Variants in INSYN1 observed in about 807,000 individuals in gnomAD.
INSYN1 encodes UPF0583 protein C15orf59.
A neutral mutation model predicts 17.1 loss-of-function variants in INSYN1; 7 were observed. The ratio of observed to expected loss-of-function variants is 0.41; its 90% confidence interval spans 0.23 to 0.77. The LOEUF is 0.77. Ranked by LOEUF, INSYN1 falls within the 30% of genes least tolerant of loss-of-function variation. The pLI, the probability that INSYN1 is intolerant of heterozygous loss-of-function variation, is 0.32. For synonymous variants in INSYN1, 174 were observed against 166.3 expected (o/e 1.05, Z -0.36); for missense variants, 339 against 400.6 (o/e 0.85, Z 1.31).
Position 73,740,001 on chromosome 15 carries a change from G to T in INSYN1, c.798C>A (p.Ser266Arg). The change falls in exon 3 of 3, where the codon AGC (serine) becomes AGA (arginine). Residue 266 changes from serine to arginine, a missense_variant. Physicochemically the swap from Ser to Arg is moderately radical, Grantham distance 110 (BLOSUM62 -1). Coordinates refer to ENST00000569673, the MANE Select transcript of INSYN1 (RefSeq NM_001039614.3). The stretch of plus-strand genomic sequence containing the variant: ...TCTTGTCTGACACTGTCTGGGTGCT[G>T]CTGTTCCTCGTGACCCTTCGAGTCT... ...PEQTRRVTRNSSTQTVSDKST... is the reference protein window; with the variant it reads ...PEQTRRVTRNRSTQTVSDKST... 5 of 1,613,334 alleles carry T rather than the reference G, an allele frequency of 3.1e-6. No homozygotes were observed. The highest frequency in any genetic ancestry group is 4.2e-6 in the Non-Finnish European group (5 of 1,179,796).
intron 2 of INSYN1, among the ~76,000 whole-genome samples, chr15:73,743,234 T>C (rs564085531): frequency 2.2e-4 from 33 of 152,306 alleles, no homozygotes; most frequent in Admixed American, 9.8e-4. Context: ...ACAAGCACCA[T>C]TGGGCCTCAG....
intron 2 of INSYN1, among the ~76,000 whole-genome samples, chr15:73,742,617 G>T (rs67838945): frequency 0.27 from 41,068 of 152,080 alleles, 6,069 homozygotes; most frequent in Non-Finnish European, 0.34. Context: ...ACACCATCAT[G>T]AAGTGCTGCT....
chr15:73,746,603 T>C (rs977330609), intron 2 of INSYN1, among the ~76,000 whole-genome samples: 1 of 152,126 alleles, frequency 6.6e-6, no homozygotes, highest in African/African-American at 2.4e-5. Context: ...CGGTGGGGGA[T>C]CCTCCACTGC....
chr15:73,745,047 C>A (rs756519145), intron 2 of INSYN1, among the ~76,000 whole-genome samples: 1 of 141,596 alleles, frequency 7.1e-6, no homozygotes, highest in Non-Finnish European at 1.5e-5. Context: ...GTGTCCCCAA[C>A]CTCTGTCCTG....
Position 73,739,839 on chromosome 15 carries a change from AT to A in INSYN1, c.*77del, listed in dbSNP as rs1273667759. 6 of 37,872 alleles carry A rather than the reference AT, an allele frequency of 1.6e-4. No individual in the cohort carries two copies. The highest frequency in any genetic ancestry group is 2.6e-4 in the African/African-American group (3 of 11,510). 2.3% of individuals were successfully genotyped at this position (37,872 alleles called of 1,614,324 possible). A position where few individuals can be genotyped will look rare whatever the true frequency, so the allele number is the denominator to read the frequency against. On this transcript the variant is annotated 3_prime_UTR_variant, in exon 3 of 3. Coordinates refer to ENST00000569673, the MANE Select transcript of INSYN1 (RefSeq NM_001039614.3). ...TTTTATTATGACTTCATTTGTTTAA[AT>A]ATATATATATATATATATATATATA...
In INSYN1 at chr15:73,753,318, C is replaced by T. The variant is rs1443253925; in HGVS notation, c.-1776G>A. 6.6e-6 allele frequency among the ~76,000 whole-genome samples: 1 copy of T among 150,934 alleles called. No individual in the cohort carries two copies. The highest frequency in any genetic ancestry group is 2.4e-5 in the African/African-American group (1 of 41,206). On this transcript the variant is annotated 5_prime_UTR_variant, in exon 1 of 3. Transcript: ENST00000569673. The surrounding 1 kb of genome is among the most constrained non-coding windows in gnomAD (Gnocchi z 4.2). ...CTTAAAGGCCGCCCGGCTCGCTTGG[C>T]TCCGCTTGCCTCGGCGCTGTCAGGG...
intron 2 of INSYN1, among the ~76,000 whole-genome samples, chr15:73,748,684 G>A (rs908485658): frequency 2.2e-4 from 34 of 152,184 alleles, no homozygotes; most frequent in Non-Finnish European, 2.9e-4. Flanking sequence ...CCAAACCGGG[G>A]TCTGGCACCC....
chr15:73,744,911 G>C (rs1901783425), intron 2 of INSYN1, among the ~76,000 whole-genome samples: 1 of 151,206 alleles, frequency 6.6e-6, no homozygotes, highest in Non-Finnish European at 1.5e-5. Flanking sequence ...CAGAGGGTGA[G>C]TCTTGACTCC....
rs1391758745 is a variant in INSYN1 at position 73,740,239 on chromosome 15, C to G, written c.560G>C (p.Arg187Pro). 1.2e-6 allele frequency: 2 copies of G among 1,614,022 alleles called. No individual in the cohort carries two copies. Among genetic ancestry groups the G allele is most frequent in the South Asian group, 2.2e-5 (2 of 91,082 alleles). The change falls in exon 3 of 3, where the codon CGG (arginine) becomes CCG (proline). Residue 187 changes from arginine to proline, a missense_variant. Physicochemically the swap from Arg to Pro is moderately radical, Grantham distance 103. Transcript: ENST00000569673. ...QRTPGTRERV[R>P]FSDKVLYHAL... ...ATGGTAGAGCACTTTGTCACTGAAC[C>G]GCACCCTCTCCCGTGTCCCTGGGGT... is the stretch of plus-strand genomic sequence containing the variant.
In INSYN1 at chr15:73,739,838, A is replaced by AATATATATATAT. The variant is rs71650721; in HGVS notation, c.*67_*78dup. On this transcript the variant is annotated 3_prime_UTR_variant, in exon 3 of 3. Transcript: ENST00000569673. ...ATTTTATTATGACTTCATTTGTTTAAATATATATATATATATATATATATA... is the reference window on the plus strand; with the variant it reads ...ATTTTATTATGACTTCATTTGTTTAAATATATATATATATATATATATATATATATATATATA... The AATATATATATAT allele has an allele frequency of 3.5e-4, 50 of 144,694 alleles. No homozygotes were observed. The highest frequency in any genetic ancestry group is 1.5e-3 in the South Asian group (6 of 3,956). 9.0% of individuals were successfully genotyped at this position (144,694 alleles called of 1,614,324 possible).
Position 73,740,075 on chromosome 15 carries a change from GC to G in INSYN1, c.723del (p.Arg242AlafsTer4). On this transcript the variant is annotated frameshift_variant, in exon 3 of 3. Transcript: ENST00000569673. LOFTEE classifies it high-confidence loss of function. ...GAGTGGCGGCTGGTCAGTGGAGAGC[GC>G]CGTGACTTGTAGGGGGCTGGGGAGG... ...HKPSPAPYKS[R>X]RSPLTSRHSG... 1 of 1,613,492 alleles carries G rather than the reference GC, an allele frequency of 6.2e-7. No homozygotes were observed. The highest frequency in any genetic ancestry group is 8.5e-7 in the Non-Finnish European group (1 of 1,179,708).
Position 73,751,079 on chromosome 15 carries a change from T to G in INSYN1, c.52A>C (p.Ser18Arg). The G allele has an allele frequency of 6.2e-7, 1 of 1,614,022 alleles. No individual in the cohort carries two copies. The highest frequency in any genetic ancestry group is 1.3e-5 in the African/African-American group (1 of 75,050). Residue 18 changes from serine (S) to arginine (R), a missense_variant, in exon 2 of 3, where the codon AGT (serine) becomes CGT (arginine). Ser to Arg is a moderately radical substitution (Grantham distance 110). Coordinates refer to ENST00000569673, the MANE Select transcript of INSYN1 (RefSeq NM_001039614.3). ...DLGQPSDDPS[S>R]GGERERIRQR... ...CGAATCCGCTCCCGCTCACCACCAC[T>G]GCTGGGGTCGTCACTGGGCTGCCCG...
intron 2 of INSYN1, among the ~76,000 whole-genome samples, chr15:73,746,586 GC>G (rs1319730954): frequency 3.3e-5 from 5 of 152,150 alleles, no homozygotes; most frequent in African/African-American, 1.2e-4. Context: ...TGCTTCCTAG[GC>G]AAATCCGGTG....
In INSYN1 at chr15:73,740,276, G is replaced by A. The variant is rs1901652428; in HGVS notation, c.523C>T (p.Leu175=). The A allele has an allele frequency of 6.2e-7, 1 of 1,613,552 alleles. No homozygotes were observed. Among genetic ancestry groups the A allele is most frequent in the Non-Finnish European group, 8.5e-7 (1 of 1,179,968 alleles). The change falls in exon 3 of 3, where the codon CTG becomes TTG. Residue 175 remains leucine (L), a synonymous_variant. Transcript: ENST00000569673. The part of the protein sequence containing the change: ...FGAGPTVKSQ[L]PQRTPGTRER... ...CGTGTCCCTGGGGTCCGCTGGGGCA[G>A]CTGGCTCTTCACCGTGGGGCCAGCA... is the stretch of plus-strand genomic sequence containing the variant.
intron 2 of INSYN1, among the ~76,000 whole-genome samples, chr15:73,743,036 C>G (rs534195663): frequency 3.2e-4 from 49 of 152,248 alleles, no homozygotes; most frequent in South Asian, 6.2e-4. Flanking sequence ...AGAGGCCCAC[C>G]ACCTCTGGGG....
rs548517242 is a variant in INSYN1, at chr15:73,745,790, CAG to C, written c.157-5150_157-5149del. 6.9e-3 allele frequency among the ~76,000 whole-genome samples: 904 copies of C among 131,202 alleles called. 14 individuals are homozygous for C. The highest frequency in any genetic ancestry group is 0.024 in the African/African-American group (860 of 35,406). The allele number at this position is 131,202 out of a possible 152,430, so 86.1% of individuals were successfully genotyped here. A position where few individuals can be genotyped will look rare whatever the true frequency, so the allele number is the denominator to read the frequency against. On this transcript the variant is annotated intron_variant, in intron 2 of 2. Transcript: ENST00000569673. ...CACCACTGCACTCCAGCCTGGGCGA[CAG>C]AGCGAGACTCCGTCTCAAAAAACAA...
chr15:73,746,338 T>C (rs1901830615), intron 2 of INSYN1, among the ~76,000 whole-genome samples: 1 of 151,724 alleles, frequency 6.6e-6, no homozygotes, highest in Non-Finnish European at 1.5e-5. Flanking sequence ...AAGGAAGGCG[T>C]GAACAAAAAT....
Position 73,750,628 on chromosome 15 carries a change from G to A in INSYN1, c.156+347C>T, listed in dbSNP as rs141522484. On this transcript the variant is annotated intron_variant, in intron 2 of 2. Coordinates refer to ENST00000569673, the MANE Select transcript of INSYN1 (RefSeq NM_001039614.3). The stretch of plus-strand genomic sequence containing the variant: ...TCTGGGAGACAGATGGTGGGTTCAA[G>A]GGTCAGCTTGGGTCCCAGAAGGTTG... 5.0e-3 allele frequency among the ~76,000 whole-genome samples: 768 copies of A among 152,260 alleles called. 8 individuals are homozygous for A. Among genetic ancestry groups the A allele is most frequent in the African/African-American group, 0.018 (732 of 41,546 alleles).
At chr15:73,747,142 G>C (rs1241941888) in intron 2 of INSYN1, among the ~76,000 whole-genome samples, 1 of 152,026 alleles carries the variant, frequency 6.6e-6, no homozygotes, top group Non-Finnish European at 1.5e-5. Context: ...CTTCCTCTTC[G>C]AGACCTTGGC....
Sources: gnomAD v4.1 joint callset for allele counts (sites outside exome capture counted in the v4.1 genomes callset) on GRCh38, gnomAD v4.1.1 for gene constraint, Gnocchi (gnomAD v3.1) non-coding constraint, MANE v1.5 for transcripts, NCBI Gene and HGNC (gene_info 2026-07-23, HGNC 2026-07-21) for gene names.